Variants in TRIM71 observed in about 807,000 individuals in gnomAD.
TRIM71 encodes the protein E3 ubiquitin-protein ligase TRIM71.
A neutral mutation model predicts 61.2 loss-of-function variants in TRIM71; 9 were observed. The ratio of observed to expected loss-of-function variants is 0.15; its 90% CI spans 0.09 to 0.26. The LOEUF (loss-of-function observed/expected upper bound fraction) is 0.26, where lower values mean the gene tolerates loss of function less well. Among genes scored for constraint, TRIM71 ranks in the 10% least tolerant of loss-of-function variants. The pLI is 1.00. For missense variants in TRIM71, 998 were observed against 1,238.7 expected (o/e 0.81, Z 2.92); for synonymous variants, 645 against 553.2 (o/e 1.17, Z -2.33).
chr3:32,863,106 C>A (rs1255811420), intron 1 of TRIM71, among the ~76,000 whole-genome samples: 1 of 151,696 alleles, frequency 6.6e-6, no homozygotes, highest in Non-Finnish European at 1.5e-5. Flanking sequence ...GCGCTGTGGC[C>A]AAGCTCCAAG....
At position 32,865,674 on chromosome 3, in the gene TRIM71, G is replaced by C. The variant is rs146842732; in HGVS notation, c.853-8144G>C. On this transcript the variant is annotated intron_variant, in intron 1 of 3. Transcript: ENST00000383763. ...CTGATAGTTCCTGTGAGCCAGAAAT[G>C]AGGCTGTTTCTCTTTTTATCAAGTC... 5.9e-5 allele frequency among the ~76,000 whole-genome samples: 9 copies of C among 151,712 alleles called. No individual in the cohort carries two copies. In the East Asian group the frequency reaches 1.8e-3, roughly 30 times the overall value.
chr3:32,828,602 G>A (rs765700577), intron 1 of TRIM71, among the ~76,000 whole-genome samples: 14 of 135,864 alleles, frequency 1.0e-4, no homozygotes, highest in African/African-American at 3.5e-4. Flanking sequence ...CAACCTTCCC[G>A]GCTCAAGTGA....
At chr3:32,819,141 T>A (rs1283833419) in intron 1 of TRIM71, among the ~76,000 whole-genome samples, 3 of 152,162 alleles carry the variant, frequency 2.0e-5, no homozygotes, top group African/African-American at 7.2e-5. Context: ...CGCGAGGGGC[T>A]CCGAAAAATC....
At chr3:32,852,466 CG>C (rs1696549086) in intron 1 of TRIM71, among the ~76,000 whole-genome samples, 1 of 152,082 alleles carries the variant, frequency 6.6e-6, no homozygotes, top group Non-Finnish European at 1.5e-5. Context: ...AACTTAGAAA[CG>C]GACCCAAAGC....
intron 1 of TRIM71, among the ~76,000 whole-genome samples, chr3:32,861,309 T>C (rs1360747042): frequency 6.6e-6 from 1 of 151,186 alleles, no homozygotes; most frequent in Non-Finnish European, 1.5e-5. Flanking sequence ...CCTGAGTAGC[T>C]GGGATTACAG....
intron 1 of TRIM71, among the ~76,000 whole-genome samples, chr3:32,852,974 A>AC (rs1472527467): frequency 6.6e-6 from 1 of 151,972 alleles, no homozygotes; most frequent in Non-Finnish European, 1.5e-5. Flanking sequence ...CTTGACAGGG[A>AC]CCCCCTTACT....
intron 1 of TRIM71, among the ~76,000 whole-genome samples, chr3:32,873,533 G>A (rs1696820800): frequency 6.6e-6 from 1 of 152,178 alleles, no homozygotes; most frequent in Non-Finnish European, 1.5e-5. Flanking sequence ...CCTTCGAAGT[G>A]TCTCTGTTAC....
intron 1 of TRIM71, among the ~76,000 whole-genome samples, chr3:32,846,955 G>T (rs1696482497): frequency 6.6e-6 from 1 of 151,886 alleles, no homozygotes; most frequent in Non-Finnish European, 1.5e-5. Context: ...AATATGAGAG[G>T]ACAGATAGCT....
chr3:32,879,911 A>G (rs1004086447), intron 2 of TRIM71, among the ~76,000 whole-genome samples: 1 of 151,882 alleles, frequency 6.6e-6, no homozygotes, highest in South Asian at 2.1e-4. Flanking sequence ...CAGTGAGCCA[A>G]GATTACACCA....
chr3:32,851,648 G>A (rs1170341674), intron 1 of TRIM71, among the ~76,000 whole-genome samples: 2 of 151,852 alleles, frequency 1.3e-5, no homozygotes, highest in East Asian at 3.9e-4. Flanking sequence ...CTGGCTAATT[G>A]TTGTATTTTT....
At chr3:32,831,962 G>A (rs1696276652) in intron 1 of TRIM71, among the ~76,000 whole-genome samples, 1 of 152,142 alleles carries the variant, frequency 6.6e-6, no homozygotes, top group African/African-American at 2.4e-5. Context: ...CAAAATATTT[G>A]AATGCCTGTT....
chr3:32,818,266 G>T lies in TRIM71; in HGVS notation c.186G>T (p.Leu62=). The T allele has an allele frequency of 7.0e-7, 1 of 1,436,320 alleles. No individual in the cohort carries two copies. Among genetic ancestry groups the T allele is most frequent in the Non-Finnish European group, 9.0e-7 (1 of 1,108,496 alleles). The allele number at this position is 1,436,320 out of a possible 1,614,324, so 89.0% of individuals were successfully genotyped here. A position where few individuals can be genotyped will look rare whatever the true frequency, so the allele number is the denominator to read the frequency against. Residue 62 remains leucine (L), a synonymous_variant, in exon 1 of 4, where the codon CTG becomes CTT. Coordinates refer to ENST00000383763, the MANE Select transcript of TRIM71 (RefSeq NM_001039111.3). ...AARRLHVLPC[L]HAFCRPCLEA... ...GCCGCCTACACGTCCTGCCCTGCCT[G>T]CACGCCTTCTGCCGCCCCTGCCTCG...
chr3:32,882,858 A>T (rs555764571), intron 2 of TRIM71, among the ~76,000 whole-genome samples: 29 of 152,222 alleles, frequency 1.9e-4, no homozygotes, highest in African/African-American at 6.5e-4. Flanking sequence ...TTTAATAGCA[A>T]TTCTTTTTCA....
intron 1 of TRIM71, among the ~76,000 whole-genome samples, chr3:32,867,985 T>C (rs1696757302): frequency 6.6e-6 from 1 of 152,084 alleles, no homozygotes; most frequent in South Asian, 2.1e-4. Flanking sequence ...TTTCTAGAGA[T>C]ACCATGAAGC....
intron 2 of TRIM71, among the ~76,000 whole-genome samples, chr3:32,877,264 C>T (rs562886119): frequency 1.3e-5 from 2 of 152,076 alleles, no homozygotes; most frequent in Non-Finnish European, 2.9e-5. Flanking sequence ...CCACCACTCC[C>T]GACTAATTTT....
At chr3:32,837,542 G>A (rs1037041304) in intron 1 of TRIM71, among the ~76,000 whole-genome samples, 4 of 152,250 alleles carry the variant, frequency 2.6e-5, no homozygotes, top group South Asian at 2.1e-4. Flanking sequence ...TAACGTCGCC[G>A]GGCGTGGTGG....
chr3:32,838,312 C>T (rs1342951463), intron 1 of TRIM71, among the ~76,000 whole-genome samples: 1 of 152,144 alleles, frequency 6.6e-6, no homozygotes, highest in East Asian at 1.9e-4. Flanking sequence ...GCAACCTCCT[C>T]TTCCCAGGTT....
chr3:32,886,047 C>T lies in TRIM71; in HGVS notation c.1134C>T (p.Arg378=), dbSNP rs1696958320. ...TARHKKALEE[R]ECELLWKVEK... ...GGCATAAGAAAGCCCTGGAGGAACG[C>T]GAGTGTGAGCTGCTGTGGAAGGTAA... is the stretch of plus-strand genomic sequence containing the variant. Residue 378 remains arginine (R), a synonymous_variant, in exon 3 of 4, where the codon CGC becomes CGT. Coordinates refer to ENST00000383763, the MANE Select transcript of TRIM71 (RefSeq NM_001039111.3). 1.2e-6 allele frequency: 2 copies of T among 1,613,590 alleles called. No individual in the cohort carries two copies. Among genetic ancestry groups the T allele is most frequent in the East Asian group, 2.2e-5 (1 of 44,880 alleles).
intron 1 of TRIM71, among the ~76,000 whole-genome samples, chr3:32,835,617 TG>T (rs1282344804): frequency 6.6e-6 from 1 of 152,230 alleles, no homozygotes. Flanking sequence ...TTTATGCCTG[TG>T]AGTATAATAT....
Sources: gnomAD v4.1 joint callset for allele counts (sites outside exome capture counted in the v4.1 genomes callset) on GRCh38, gnomAD v4.1.1 for gene constraint, MANE v1.5 for transcripts, NCBI Gene and HGNC (gene_info 2026-07-23, HGNC 2026-07-21) for gene names.